The following KANK1 variants were observed in gnomAD, a reference collection of about 807,000 sequenced individuals.
The protein encoded by KANK1 is KN motif and ankyrin repeat domain-containing protein 1.
A neutral mutation model predicts 106.2 loss-of-function variants in KANK1; 109 were observed. That is an observed-to-expected ratio of 1.03 (90% confidence interval 0.88 to 1.20). The LOEUF (loss-of-function observed/expected upper bound fraction) is 1.20. Among genes scored for constraint, KANK1 ranks in the 50% most tolerant of loss-of-function variants. The pLI, the probability that KANK1 is intolerant of heterozygous loss-of-function variation, is 0.00. For synonymous variants in KANK1, 873 were observed against 652.2 expected (o/e 1.34, Z -5.16); for missense variants, 2,399 against 1,710.7 (o/e 1.40, Z -7.10).
chr9:683,423 T>C (rs73639400), intron 2 of KANK1, among the ~76,000 whole-genome samples: 52,105 of 151,666 alleles, frequency 0.34, 12,610 homozygotes, highest in African/African-American at 0.66. Flanking sequence ...ACTAAAAGGG[T>C]GTGTTTCCAT....
intron 2 of KANK1, chr9:693,860 C>T: frequency 1.0e-6 from 1 of 953,180 alleles, no homozygotes; most frequent in Non-Finnish European, 1.2e-6. Flanking sequence ...GAAATATAAA[C>T]TCGAGCTCTG....
chr9:667,775 C>G (rs1844994307), intron 1 of KANK1, among the ~76,000 whole-genome samples: 1 of 145,256 alleles, frequency 6.9e-6, no homozygotes, highest in South Asian at 2.2e-4. Flanking sequence ...GAGTCTCCCT[C>G]TGTCATCCAG....
At chr9:739,201 G>A (rs1834657296) in intron 8 of KANK1, among the ~76,000 whole-genome samples, 1 of 152,168 alleles carries the variant, frequency 6.6e-6, no homozygotes, top group Non-Finnish European at 1.5e-5. Flanking sequence ...TCAACTTCTT[G>A]TTCAAATGGA....
chr9:720,246 G>C (rs1011916183), intron 3 of KANK1, among the ~76,000 whole-genome samples: 1 of 152,200 alleles, frequency 6.6e-6, no homozygotes, highest in African/African-American at 2.4e-5. Flanking sequence ...TAACTTCCCA[G>C]TTGTGCCTGT....
chr9:557,657 C>T (rs948473362), intron 1 of KANK1, among the ~76,000 whole-genome samples: 1 of 152,138 alleles, frequency 6.6e-6, no homozygotes, highest in African/African-American at 2.4e-5. Flanking sequence ...AAGTACTAAT[C>T]CTTGGGTGAG....
At chr9:529,286 T>C (rs1016640552) in intron 1 of KANK1, among the ~76,000 whole-genome samples, 5 of 148,886 alleles carry the variant, frequency 3.4e-5, no homozygotes, top group Admixed American at 6.6e-5. Flanking sequence ...CACACACACA[T>C]ATATACACTT....
At chr9:622,059 A>G (rs539608872) in intron 1 of KANK1, among the ~76,000 whole-genome samples, 2 of 152,272 alleles carry the variant, frequency 1.3e-5, no homozygotes, top group Non-Finnish European at 2.9e-5. Context: ...TTTTCATACA[A>G]CAGTCTACTT....
chr9:631,868 C>T (rs886588590), intron 1 of KANK1, among the ~76,000 whole-genome samples: 4 of 152,174 alleles, frequency 2.6e-5, no homozygotes, highest in Non-Finnish European at 2.9e-5. Context: ...GGGGTGGTGT[C>T]CTCAGATAAC....
intron 1 of KANK1, among the ~76,000 whole-genome samples, chr9:619,529 T>G (rs1832646201): frequency 6.6e-6 from 1 of 152,156 alleles, no homozygotes; most frequent in Admixed American, 6.5e-5. Context: ...AATAGCTGAA[T>G]TCATCATTCT....
chr9:621,215 T>C (rs1441138491), intron 1 of KANK1, among the ~76,000 whole-genome samples: 1 of 152,210 alleles, frequency 6.6e-6, no homozygotes, highest in African/African-American at 2.4e-5. Context: ...AGCTATCACA[T>C]AACATACATA....
intron 1 of KANK1, among the ~76,000 whole-genome samples, chr9:579,897 T>A (rs80104663): frequency 0.041 from 6,249 of 152,254 alleles, 141 homozygotes; most frequent in Non-Finnish European, 0.055. Flanking sequence ...TGGATTGTGC[T>A]GAATTTTCTA....
chr9:492,941 T>G (rs2058400719), intron 3 of KANK1, among the ~76,000 whole-genome samples: 1 of 151,556 alleles, frequency 6.6e-6, no homozygotes. Flanking sequence ...GGAGAATCAC[T>G]TGAACTCAGG....
chr9:740,381 T>C (rs1315438601), intron 8 of KANK1, among the ~76,000 whole-genome samples: 2 of 152,186 alleles, frequency 1.3e-5, no homozygotes, highest in Non-Finnish European at 1.5e-5. Flanking sequence ...CAACGTTCCA[T>C]ACGTAAGCGT....
chr9:504,028 A>G (rs2058620058), upstream of KANK1, among the ~76,000 whole-genome samples: 1 of 152,076 alleles, frequency 6.6e-6, no homozygotes, highest in Non-Finnish European at 1.5e-5. Flanking sequence ...TGGAGGCGGG[A>G]GGTTTCTGGC....
intron 2 of KANK1, among the ~76,000 whole-genome samples, chr9:698,928 A>T (rs1386399334): frequency 6.6e-6 from 1 of 152,218 alleles, no homozygotes; most frequent in Non-Finnish European, 1.5e-5. Flanking sequence ...TTACCAATGC[A>T]TCTATGATGC....
Position 713,411 on chromosome 9 carries a change from C to G in KANK1, c.2645C>G (p.Thr882Ser). ...AACTCTGTCATGAAATCTGCAAGCA[C>G]TGAAGAGCTGAGGAACCCTGACTTC... ...SINSVMKSAS[T>S]EELRNPDFQK... Residue 882 changes from threonine to serine, a missense_variant, in exon 3 of 12, where the codon ACT (threonine) becomes AGT (serine). By Grantham distance (58) the Thr-to-Ser change is moderately conservative. Transcript: ENST00000382297. The G allele has an allele frequency of 6.2e-7, 1 of 1,611,792 alleles. No homozygotes were observed. The highest frequency in any genetic ancestry group is 8.5e-7 in the Non-Finnish European group (1 of 1,179,122).
At chr9:523,239 C>G (rs1257343436) in intron 1 of KANK1, among the ~76,000 whole-genome samples, 1 of 151,712 alleles carries the variant, frequency 6.6e-6, no homozygotes, top group Non-Finnish European at 1.5e-5. Context: ...CCCCCAAACT[C>G]CTTCTCCCCA....
rs1832172347 is a variant in KANK1, at chr9:731,257, T to C, written c.2996T>C (p.Ile999Thr). 3 of 1,589,192 alleles carry C rather than the reference T, an allele frequency of 1.9e-6. No homozygotes were observed. The highest frequency in any genetic ancestry group is 1.7e-4 in the Middle Eastern group (1 of 6,038). ...GAKKNLQFVG[I>T]NGGYETTSSD... ...AAAAAGAATCTTCAGTTTGTTGGCATTAATGGAGGGTAAGGAAAGATGGTG... is the reference window on the plus strand; with the variant it reads ...AAAAAGAATCTTCAGTTTGTTGGCACTAATGGAGGGTAAGGAAAGATGGTG... Residue 999 changes from isoleucine to threonine, a missense_variant, in exon 5 of 12, where the codon ATT becomes ACT. Physicochemically the swap from Ile to Thr is moderately conservative, Grantham distance 89 (BLOSUM62 -1). Coordinates refer to ENST00000382297, the MANE Select transcript of KANK1 (RefSeq NM_015158.5).
At chr9:515,009 G>T (rs986894614) in intron 1 of KANK1, among the ~76,000 whole-genome samples, 2 of 151,678 alleles carry the variant, frequency 1.3e-5, no homozygotes, top group South Asian at 4.1e-4. Flanking sequence ...CCTCAAAAAG[G>T]GTTCATACTT....
Sources: allele counts gnomAD v4.1 joint callset (sites outside exome capture counted in the v4.1 genomes callset), GRCh38; gene constraint gnomAD v4.1.1; transcripts MANE v1.5; gene names NCBI Gene and HGNC (gene_info 2026-07-23, HGNC 2026-07-21).